Variants in FAM76B observed in about 807,000 individuals in gnomAD.
FAM76B encodes family with sequence similarity 76 member B.
A neutral mutation model predicts 51.8 loss-of-function variants in FAM76B; 16 were observed. The observed-to-expected ratio is 0.31, with a 90% CI of 0.21 to 0.47. The LOEUF (loss-of-function observed/expected upper bound fraction) is 0.47, where lower values mean the gene tolerates loss of function less well. Ranked by LOEUF, FAM76B falls within the 20% of genes least tolerant of loss-of-function variation. The pLI, the probability that FAM76B is intolerant of heterozygous loss-of-function variation, is 1.00. For synonymous variants in FAM76B, 166 were observed against 129.5 expected (o/e 1.28, Z -1.91); for missense variants, 342 against 392.6 (o/e 0.87, Z 1.09).
intron 8 of FAM76B, among the ~76,000 whole-genome samples, chr11:95,778,212 G>A (rs1040484758): frequency 6.6e-6 from 1 of 151,458 alleles, no homozygotes; most frequent in Non-Finnish European, 1.5e-5. Flanking sequence ...CATAGCACAA[G>A]ACCTTAAATC....
intron 2 of FAM76B, among the ~76,000 whole-genome samples, 174 bp from the exon 3 acceptor site, chr11:95,787,852 G>A (rs528359827): frequency 6.6e-6 from 1 of 152,070 alleles, no homozygotes; most frequent in African/African-American, 2.4e-5. Context: ...ATTAACTTAT[G>A]ACAAATGTTT....
chr11:95,783,691 T>G (rs1860400386), intron 4 of FAM76B, among the ~76,000 whole-genome samples: 1 of 152,042 alleles, frequency 6.6e-6, no homozygotes, highest in Admixed American at 6.5e-5. Context: ...ACACACAGAG[T>G]TGCTTCTCAT....
intron 9 of FAM76B, among the ~76,000 whole-genome samples, chr11:95,774,877 C>T (rs1859925891): frequency 6.6e-6 from 1 of 150,996 alleles, no homozygotes; most frequent in Non-Finnish European, 1.5e-5. Context: ...GGATTAAGAC[C>T]AGATAATCTG....
Position 95,778,953 on chromosome 11 carries a change from A to G in FAM76B, c.697T>C (p.Ser233Pro). 1 of 1,606,048 alleles carries G rather than the reference A, an allele frequency of 6.2e-7. No homozygotes were observed. Among genetic ancestry groups the G allele is most frequent in the Non-Finnish European group, 8.5e-7 (1 of 1,176,618 alleles). ...ESKPSNGDSS[S>P]INQSADSGGT... ...CCACTATCTGCTGACTGATTTATAG[A>G]GCTACTAAAAAGAAAAAAGTAAAAC... Residue 233 changes from serine to proline, a missense_variant, in exon 8 of 10, where the codon TCT (serine) becomes CCT (proline). Ser to Pro is a moderately conservative substitution (Grantham distance 74). Coordinates refer to ENST00000358780, the MANE Select transcript of FAM76B (RefSeq NM_144664.5).
intron 1 of FAM76B, 136 bp downstream of exon 1, chr11:95,789,256 G>A (rs1473215889): frequency 5.8e-6 from 6 of 1,029,096 alleles, no homozygotes; most frequent in Non-Finnish European, 8.5e-6. Context: ...AGGGGTCCCC[G>A]AGTGGGGAGG....
At chr11:95,781,850 T>C (rs1461577370) in intron 5 of FAM76B, among the ~76,000 whole-genome samples, 1 of 152,146 alleles carries the variant, frequency 6.6e-6, no homozygotes, top group Non-Finnish European at 1.5e-5. Context: ...GAATTAAACA[T>C]CACTAACCTC....
In FAM76B at chr11:95,788,765, A is replaced by G. The variant is rs141593642; in HGVS notation, c.88-202T>C. 4.3e-4 allele frequency: 607 copies of G among 1,405,982 alleles called. 1 individual carries two copies. The African/African-American group carries it at 7.8e-3, about 18-fold the overall frequency. 87.1% of individuals were successfully genotyped at this position (1,405,982 alleles called of 1,614,324 possible). On this transcript the variant is annotated intron_variant, in intron 1 of 9. Coordinates refer to ENST00000358780, the MANE Select transcript of FAM76B (RefSeq NM_144664.5). ...GGAAGGCACAGGTGTCTTTGTCTTTAGTAGACGTGGGGGTATATTACAGAC... is the reference window on the plus strand; with the variant it reads ...GGAAGGCACAGGTGTCTTTGTCTTTGGTAGACGTGGGGGTATATTACAGAC...
In FAM76B at chr11:95,773,967, T is replaced by TA. The variant is rs577852928; in HGVS notation, c.930+1954dup. 3.8e-4 allele frequency among the ~76,000 whole-genome samples: 56 copies of TA among 148,450 alleles called. 1 individual carries two copies. In the South Asian group the frequency reaches 6.2e-3, roughly 16 times the overall value. On this transcript the variant is annotated intron_variant, in intron 9 of 9. Transcript: ENST00000358780. Reference sequence around the variant, plus strand: ...GATTCAATTCCTTATTACATAAAGATAAAAAAAAAATTACCGGTTTCCTCA... The same window carrying TA: ...GATTCAATTCCTTATTACATAAAGATAAAAAAAAAAATTACCGGTTTCCTCA...
rs1859681729 is a variant in FAM76B at position 95,769,606 on chromosome 11, T to TA, written c.*1954dup. 1 of 151,824 alleles carries TA rather than the reference T, an allele frequency of 6.6e-6. No homozygotes were observed. The highest frequency in any genetic ancestry group is 6.6e-5 in the Admixed American group (1 of 15,180). The allele number at this position is 151,824 out of a possible 1,614,324, so 9.4% of individuals were successfully genotyped here. On this transcript the variant is annotated 3_prime_UTR_variant, in exon 10 of 10. Coordinates refer to ENST00000358780, the MANE Select transcript of FAM76B (RefSeq NM_144664.5). The stretch of plus-strand genomic sequence containing the variant: ...ACAAGGTGTAAGAACTATCAAAAAG[T>TA]AAAACCATAATGACCACTGTGGACT...
At chr11:95,774,937 C>G (rs1159239433) in intron 9 of FAM76B, among the ~76,000 whole-genome samples, 1 of 147,614 alleles carries the variant, frequency 6.8e-6, no homozygotes, top group Non-Finnish European at 1.5e-5. Flanking sequence ...AAGCTACTTG[C>G]AAAGAAGTAT....
At chr11:95,784,045 C>T (rs1293980495) in intron 4 of FAM76B, among the ~76,000 whole-genome samples, 1 of 152,170 alleles carries the variant, frequency 6.6e-6, no homozygotes, top group Admixed American at 6.5e-5. Context: ...CCTAAATGCC[C>T]ATCGTTAGTA....
intron 8 of FAM76B, among the ~76,000 whole-genome samples, chr11:95,777,924 A>G (rs745663297): frequency 6.6e-6 from 1 of 151,470 alleles, no homozygotes. Flanking sequence ...ACCATAAAAC[A>G]AGTACAAAAG....
rs1246050783 is a variant in FAM76B, at chr11:95,770,086, T to C, written c.*1475A>G. Reference sequence around the variant, plus strand: ...CAGTTTTACATGAAGCAAATTTATCTTTGCCCATAAATTATTAAGAGAAGC... The same window carrying C: ...CAGTTTTACATGAAGCAAATTTATCCTTGCCCATAAATTATTAAGAGAAGC... On this transcript the variant is annotated 3_prime_UTR_variant, in exon 10 of 10. Coordinates refer to ENST00000358780, the MANE Select transcript of FAM76B (RefSeq NM_144664.5). 6.6e-6 allele frequency: 1 copy of C among 151,556 alleles called. No homozygotes were observed. The highest frequency in any genetic ancestry group is 1.5e-5 in the Non-Finnish European group (1 of 67,584). The allele number at this position is 151,556 out of a possible 1,614,324, so 9.4% of individuals were successfully genotyped here. A position where few individuals can be genotyped will look rare whatever the true frequency, so the allele number is the denominator to read the frequency against.
At position 95,774,709 on chromosome 11, in the gene FAM76B, A is replaced by G. The variant is rs532729534; in HGVS notation, c.930+1213T>C. Among the ~76,000 whole-genome samples, 7 of 81,274 alleles carry G rather than the reference A, an allele frequency of 8.6e-5. No homozygotes were observed. The East Asian group carries it at 1.8e-3, about 21-fold the overall frequency. The allele number at this position is 81,274 out of a possible 152,430, so 53.3% of individuals were successfully genotyped here. ...GGTGGATAAAAACATTGACTAATAT[A>G]TAAGAATCTGATATATGATACGGGC... On this transcript the variant is annotated intron_variant, in intron 9 of 9. Transcript: ENST00000358780.
At position 95,789,759 on chromosome 11, in the gene FAM76B, G is replaced by C. The variant is rs1190224939; in HGVS notation, c.-281C>G. ...GAGACGAAGCGGGTAGGGGGTTGCTGTTTAGCTGTGCGGCCGTGGATCCGC... is the reference window on the plus strand; with the variant it reads ...GAGACGAAGCGGGTAGGGGGTTGCTCTTTAGCTGTGCGGCCGTGGATCCGC... On this transcript the variant is annotated 5_prime_UTR_variant, in exon 1 of 10. Coordinates refer to ENST00000358780, the MANE Select transcript of FAM76B (RefSeq NM_144664.5). 3 of 402,732 alleles carry C rather than the reference G, an allele frequency of 7.4e-6. No homozygotes were observed. The highest frequency in any genetic ancestry group is 9.6e-5 in the South Asian group (2 of 20,838). The allele number at this position is 402,732 out of a possible 1,614,324, so 24.9% of individuals were successfully genotyped here. A position where few individuals can be genotyped will look rare whatever the true frequency, so the allele number is the denominator to read the frequency against.
At chr11:95,786,876 G>A (rs1177586526) in intron 3 of FAM76B, 1 of 152,222 alleles carries the variant, frequency 6.6e-6, no homozygotes, top group Admixed American at 6.5e-5. Context: ...AATAATATTG[G>A]TATAATATAC....
At chr11:95,783,413 CAG>C (rs1212985485) in intron 4 of FAM76B, 149 bp from the exon 5 acceptor site, 4 of 611,688 alleles carry the variant, frequency 6.5e-6, no homozygotes, top group East Asian at 5.7e-5. Context: ...TTCTGCAAAA[CAG>C]AAATAAAACT....
intron 5 of FAM76B, among the ~76,000 whole-genome samples, chr11:95,782,184 T>A (rs1288157330): frequency 6.6e-6 from 1 of 152,158 alleles, no homozygotes; most frequent in Non-Finnish European, 1.5e-5. Flanking sequence ...AAAATCTTTA[T>A]ACCACACACA....
Position 95,771,308 on chromosome 11 carries a change from G to A in FAM76B, c.*253C>T. On this transcript the variant is annotated 3_prime_UTR_variant, in exon 10 of 10. Coordinates refer to ENST00000358780, the MANE Select transcript of FAM76B (RefSeq NM_144664.5). The stretch of plus-strand genomic sequence containing the variant: ...ACTACTCATGCACTCCTTTACAACT[G>A]TTTAATACTATTGCTGGCAAAAAAG... The A allele has an allele frequency of 2.8e-6, 1 of 359,774 alleles. No individual in the cohort carries two copies. Among genetic ancestry groups the A allele is most frequent in the South Asian group, 2.6e-5 (1 of 38,564 alleles). The allele number at this position is 359,774 out of a possible 1,614,324, so 22.3% of individuals were successfully genotyped here.
Sources: allele counts gnomAD v4.1 joint callset (sites outside exome capture counted in the v4.1 genomes callset), GRCh38; gene constraint gnomAD v4.1.1; transcripts MANE v1.5; gene names NCBI Gene and HGNC (gene_info 2026-07-23, HGNC 2026-07-21).